The following LRRTM3 variants were observed in gnomAD, a reference collection of about 807,000 sequenced individuals.
LRRTM3 encodes leucine-rich repeat transmembrane neuronal protein 3.
In LRRTM3, 24 loss-of-function variants were observed where a neutral mutation model predicts 44.7. That is an observed-to-expected ratio of 0.54 (90% CI 0.39 to 0.76). The LOEUF (loss-of-function observed/expected upper bound fraction) is 0.76. Among genes scored for constraint, LRRTM3 ranks in the 30% least tolerant of loss-of-function variants. LRRTM3 has a pLI of 0.00. For synonymous variants in LRRTM3, 277 were observed against 278.7 expected, an observed-to-expected ratio of 0.99 and a Z score of 0.06; for missense variants, 587 against 702.2, an observed-to-expected ratio of 0.84 and a Z score of 1.85.
intron 2 of LRRTM3, among the ~76,000 whole-genome samples, chr10:66,930,288 G>C (rs1847301790): frequency 6.6e-6 from 1 of 152,122 alleles, no homozygotes; most frequent in Non-Finnish European, 1.5e-5. Flanking sequence ...ATGAATAATT[G>C]TTGAATATAC....
intron 2 of LRRTM3, among the ~76,000 whole-genome samples, chr10:66,940,762 A>T (rs1847952087): frequency 6.6e-6 from 1 of 152,142 alleles, no homozygotes; most frequent in South Asian, 2.1e-4. Flanking sequence ...CTCAGTTCAC[A>T]GTAGCCCACT....
chr10:67,093,615 C>T (rs1857792813), intron 2 of LRRTM3, among the ~76,000 whole-genome samples: 1 of 151,564 alleles, frequency 6.6e-6, no homozygotes, highest in Non-Finnish European at 1.5e-5. Context: ...CATTACTACC[C>T]AGCGACCAGT....
intron 2 of LRRTM3, among the ~76,000 whole-genome samples, chr10:67,025,129 C>CAAAAAAAAA (rs1206262968): frequency 1.2e-4 from 3 of 25,366 alleles, no homozygotes; most frequent in Non-Finnish European, 1.6e-4. Flanking sequence ...AAAACTCTGT[C>CAAAAAAAAA]AAAAACAAAA....
intron 2 of LRRTM3, among the ~76,000 whole-genome samples, chr10:67,029,790 C>T (rs967267337): frequency 6.6e-6 from 1 of 152,204 alleles, no homozygotes; most frequent in Non-Finnish European, 1.5e-5. Context: ...AGGGTAGCCA[C>T]TAACCTCATG....
chr10:66,992,696 T>C (rs1564817630), intron 2 of LRRTM3, among the ~76,000 whole-genome samples: 3 of 152,166 alleles, frequency 2.0e-5, no homozygotes, highest in African/African-American at 4.8e-5. Flanking sequence ...GTTGATCACA[T>C]TTAAGTCTTT....
rs1299773298 is a variant in LRRTM3 at position 67,100,757 on chromosome 10, C to T, written c.*2961C>T. On this transcript the variant is annotated 3_prime_UTR_variant, in exon 3 of 3. Transcript: ENST00000361320. ...ACAAACCACATTTTACATAAATTAT[C>T]TCATTTTGTCTTCATAACAACCCTA... is the stretch of plus-strand genomic sequence containing the variant. 6.6e-6 allele frequency among the ~76,000 whole-genome samples: 1 copy of T among 151,692 alleles called. No individual in the cohort carries two copies. The highest frequency in any genetic ancestry group is 1.5e-5 in the Non-Finnish European group (1 of 67,796).
chr10:66,992,415 ACTC>A (rs1851090797), intron 2 of LRRTM3, among the ~76,000 whole-genome samples: 1 of 147,446 alleles, frequency 6.8e-6, no homozygotes, highest in African/African-American at 2.5e-5. Context: ...CTCCTCCTCC[ACTC>A]CTCTTTCTCC....
intron 2 of LRRTM3, among the ~76,000 whole-genome samples, chr10:67,009,523 TTTTG>T (rs142693561): frequency 0.01 from 1,583 of 152,154 alleles, 27 homozygotes; most frequent in African/African-American, 0.035. Flanking sequence ...TTTTCAGGCT[TTTTG>T]TTTGTTTGTT....
At chr10:66,950,734 C>T (rs1848495771) in intron 2 of LRRTM3, among the ~76,000 whole-genome samples, 1 of 152,144 alleles carries the variant, frequency 6.6e-6, no homozygotes, top group Admixed American at 6.6e-5. Context: ...ACATGCAAAA[C>T]ATTTATTCAG....
At chr10:67,088,662 G>GT (rs961126834) in intron 2 of LRRTM3, among the ~76,000 whole-genome samples, 2 of 151,984 alleles carry the variant, frequency 1.3e-5, no homozygotes, top group African/African-American at 2.4e-5. Flanking sequence ...GAACTCTTAA[G>GT]TTTTTTTCAC....
At chr10:67,047,588 G>A (rs904784378) in intron 2 of LRRTM3, among the ~76,000 whole-genome samples, 3 of 152,036 alleles carry the variant, frequency 2.0e-5, no homozygotes, top group Non-Finnish European at 2.9e-5. Flanking sequence ...TACCTTCATC[G>A]TTTCAGGCTC....
At chr10:67,019,382 C>T (rs1394518844) in intron 2 of LRRTM3, among the ~76,000 whole-genome samples, 1 of 152,062 alleles carries the variant, frequency 6.6e-6, no homozygotes, top group African/African-American at 2.4e-5. Context: ...CCACGCCAGG[C>T]TAATTTTGTG....
chr10:66,932,206 T>C (rs1248498044), intron 2 of LRRTM3, among the ~76,000 whole-genome samples: 2 of 152,228 alleles, frequency 1.3e-5, no homozygotes, highest in Non-Finnish European at 2.9e-5. Context: ...AATGAAATTA[T>C]GCTCTCCTTC....
chr10:67,045,713 C>T lies in LRRTM3; in HGVS notation c.1537-51874C>T, dbSNP rs987947045. Among the ~76,000 whole-genome samples, 10 of 152,090 alleles carry T rather than the reference C, an allele frequency of 6.6e-5. No homozygotes were observed. The South Asian group carries it at 8.3e-4, about 13-fold the overall frequency. Reference sequence around the variant, plus strand: ...CCCCCAGGCGGGGATAGCGGGGGACCGACATCCGAGACCAGCCAAGGCCCC... The same window carrying T: ...CCCCCAGGCGGGGATAGCGGGGGACTGACATCCGAGACCAGCCAAGGCCCC... On this transcript the variant is annotated intron_variant, in intron 2 of 2. Transcript: ENST00000361320.
rs754641848 is a variant in LRRTM3 at position 66,928,029 on chromosome 10, G to A, written c.1113G>A (p.Leu371=). Residue 371 remains leucine, a synonymous_variant, in exon 2 of 3, where the codon CTG becomes CTA. Coordinates refer to ENST00000361320, the MANE Select transcript of LRRTM3 (RefSeq NM_178011.5). ...CGKSTTERFD[L]ARALPKPTFK... is the part of the protein sequence containing the mutation. ...AAAGTACTACAGAGAGGTTTGATCT[G>A]GCCAGGGCTCTCCCAAAGCCGACGT... 3.1e-6 allele frequency: 5 copies of A among 1,614,100 alleles called. No individual in the cohort carries two copies. Among genetic ancestry groups the A allele is most frequent in the Non-Finnish European group, 4.2e-6 (5 of 1,180,034 alleles).
intron 2 of LRRTM3, among the ~76,000 whole-genome samples, chr10:67,014,451 T>C (rs950968211): frequency 6.6e-6 from 1 of 152,180 alleles, no homozygotes; most frequent in African/African-American, 2.4e-5. Context: ...TCCCAGGTGG[T>C]GCCTGTTTGT....
intron 2 of LRRTM3, among the ~76,000 whole-genome samples, chr10:67,033,746 G>A (rs948598717): frequency 4.6e-5 from 7 of 152,098 alleles, no homozygotes; most frequent in Non-Finnish European, 8.8e-5. Context: ...TCTAGAATCT[G>A]CATAAGTAAC....
intron 2 of LRRTM3, among the ~76,000 whole-genome samples, chr10:67,028,447 A>T (rs1038720123): frequency 1.4e-5 from 2 of 147,356 alleles, no homozygotes; most frequent in Non-Finnish European, 3.0e-5. Context: ...AGTCTTTATT[A>T]AAAAAAAAAA....
At chr10:66,957,372 A>C (rs1848846121) in intron 2 of LRRTM3, among the ~76,000 whole-genome samples, 1 of 125,612 alleles carries the variant, frequency 8.0e-6, no homozygotes, top group Admixed American at 9.3e-5. Flanking sequence ...TATATCCAGA[A>C]TATGTGTGTG....
Sources: allele counts gnomAD v4.1 joint callset (sites outside exome capture counted in the v4.1 genomes callset), GRCh38; gene constraint gnomAD v4.1.1; transcripts MANE v1.5; gene names NCBI Gene and HGNC (gene_info 2026-07-23, HGNC 2026-07-21).